Variants in RBFOX1 observed in about 807,000 individuals in gnomAD.
The protein encoded by RBFOX1 is RNA binding protein fox-1 homolog 1.
A neutral mutation model predicts 57.7 loss-of-function variants in RBFOX1; 8 were observed. The observed-to-expected ratio is 0.14, with a 90% confidence interval of 0.08 to 0.25. The LOEUF (loss-of-function observed/expected upper bound fraction) is 0.25. Ranked by LOEUF, RBFOX1 falls within the 10% of genes least tolerant of loss-of-function variation. The pLI is 1.00. For synonymous variants in RBFOX1, 326 were observed against 222.4 expected (o/e 1.47, Z -4.15); for missense variants, 611 against 548.5 (o/e 1.11, Z -1.14).
chr16:6,032,943 TCCA>T, intron 1 of RBFOX1, among the ~76,000 whole-genome samples: 1 of 151,192 alleles, frequency 6.6e-6, no homozygotes, highest in East Asian at 2.0e-4. Flanking sequence ...TAGCTTAGGA[TCCA>T]GCTTAGCTTC....
intron 4 of RBFOX1, among the ~76,000 whole-genome samples, chr16:7,432,305 C>G (rs1300620546): frequency 6.6e-6 from 1 of 152,284 alleles, no homozygotes; most frequent in East Asian, 1.9e-4. Context: ...TGGTAAAATT[C>G]TCTGCACAAA....
chr16:6,033,928 T>C (rs1350452987), intron 1 of RBFOX1, among the ~76,000 whole-genome samples: 1 of 152,158 alleles, frequency 6.6e-6, no homozygotes, highest in African/African-American at 2.4e-5. Flanking sequence ...ATGTGGTGAT[T>C]CTGGTCTGAC....
At chr16:6,625,234 A>G (rs980372226) in intron 2 of RBFOX1, among the ~76,000 whole-genome samples, 1 of 150,996 alleles carries the variant, frequency 6.6e-6, no homozygotes, top group Non-Finnish European at 1.5e-5. Flanking sequence ...AAACAATTTC[A>G]CAAACAATTA....
intron 3 of RBFOX1, among the ~76,000 whole-genome samples, chr16:6,711,999 T>A (rs1255850909): frequency 6.6e-6 from 1 of 152,232 alleles, no homozygotes; most frequent in Non-Finnish European, 1.5e-5. Context: ...TTAGTGATTT[T>A]GTTATCTCGC....
chr16:6,571,574 A>G (rs912479819), intron 2 of RBFOX1, among the ~76,000 whole-genome samples: 1 of 152,154 alleles, frequency 6.6e-6, no homozygotes. Context: ...GATGGAGAAC[A>G]TCAAGGACCT....
chr16:7,500,531 G>T (rs1567530591), intron 4 of RBFOX1, among the ~76,000 whole-genome samples: 2 of 152,174 alleles, frequency 1.3e-5, no homozygotes, highest in Admixed American at 1.3e-4. Flanking sequence ...TAAGCCTATT[G>T]TTGTAGCTAG....
chr16:7,710,392 G>A, intron 15 of RBFOX1: 1 of 1,380,382 alleles, frequency 7.2e-7, no homozygotes, highest in East Asian at 2.9e-5. Flanking sequence ...TTTTAGCTAA[G>A]AGGACTGGCT....
chr16:5,287,506 G>A (rs2063425656), intron 1 of RBFOX1, among the ~76,000 whole-genome samples: 2 of 152,212 alleles, frequency 1.3e-5, no homozygotes, highest in Admixed American at 1.3e-4. Context: ...TCCGTTAGTT[G>A]TTGTCAGAAA....
intron 4 of RBFOX1, among the ~76,000 whole-genome samples, chr16:7,441,122 C>A (rs1314402395): frequency 6.6e-6 from 1 of 152,174 alleles, no homozygotes; most frequent in Non-Finnish European, 1.5e-5. Context: ...GACCTGCCTT[C>A]CTCTATATGA....
At chr16:6,112,466 G>A (rs377732109) in intron 1 of RBFOX1, among the ~76,000 whole-genome samples, 92 of 152,218 alleles carry the variant, frequency 6.0e-4, no homozygotes, top group Non-Finnish European at 8.4e-4. Context: ...CAAGATGGGC[G>A]GATCACCTGA....
rs1567617665 is a variant in RBFOX1, at chr16:6,542,481, G to GTTTTTTTTT, written c.-63-112121_-63-112120insTTTTTTTTT. On this transcript the variant is annotated intron_variant, in intron 2 of 15. Coordinates refer to ENST00000550418, the MANE Select transcript of RBFOX1 (RefSeq NM_018723.4). ...ATCCACTGCCCTGTGTGGGACCATAGTCTTTTTTTTTTTTTTTTTTTTTTT... is the reference window on the plus strand; with the variant it reads ...ATCCACTGCCCTGTGTGGGACCATAGTTTTTTTTTTCTTTTTTTTTTTTTTTTTTTTTTT... 1.8e-3 allele frequency among the ~76,000 whole-genome samples: 67 copies of GTTTTTTTTT among 37,092 alleles called. 1 individual carries two copies. Among genetic ancestry groups the GTTTTTTTTT allele is most frequent in the Admixed American group, 5.2e-3 (13 of 2,482 alleles). 24.3% of individuals were successfully genotyped at this position (37,092 alleles called of 152,430 possible). A position where few individuals can be genotyped will look rare whatever the true frequency, so the allele number is the denominator to read the frequency against.
intron 2 of RBFOX1, among the ~76,000 whole-genome samples, chr16:6,438,149 C>G (rs781257904): frequency 6.6e-6 from 1 of 152,126 alleles, no homozygotes; most frequent in Non-Finnish European, 1.5e-5. Flanking sequence ...CTTTTGTAAA[C>G]CGAAGTTGGA....
rs569739054 is a variant in RBFOX1, at chr16:7,697,369, C to T, written c.996-11687C>T. Among the ~76,000 whole-genome samples, 328 of 152,270 alleles carry T rather than the reference C, an allele frequency of 2.2e-3. 3 individuals carry two copies. Among genetic ancestry groups the T allele is most frequent in the South Asian group, 7.1e-3 (34 of 4,822 alleles). ...GGGTCTATCAGTTAATTCCATGGAG[C>T]ACCAAGGCTTTAATCCCTGAGGAAA... On this transcript the variant is annotated intron_variant, in intron 14 of 15. Coordinates refer to ENST00000550418, the MANE Select transcript of RBFOX1 (RefSeq NM_018723.4).
At chr16:6,313,263 G>C (rs146471184) in intron 1 of RBFOX1, among the ~76,000 whole-genome samples, 1,767 of 152,254 alleles carry the variant, frequency 0.012, 17 homozygotes, top group Admixed American at 0.019. Flanking sequence ...TCAGGAGTAA[G>C]GTAGGTTTGG....
intron 1 of RBFOX1, among the ~76,000 whole-genome samples, chr16:5,404,856 C>G (rs2066818742): frequency 6.6e-6 from 1 of 152,164 alleles, no homozygotes; most frequent in Admixed American, 6.5e-5. Flanking sequence ...ATGAAACCAC[C>G]AAAGTCTTAA....
At chr16:6,147,303 C>T (rs138020077) in intron 1 of RBFOX1, among the ~76,000 whole-genome samples, 2 of 152,102 alleles carry the variant, frequency 1.3e-5, no homozygotes, top group African/African-American at 4.8e-5. Context: ...CCATTCTGTG[C>T]TCTCATAAGT....
intron 14 of RBFOX1, among the ~76,000 whole-genome samples, chr16:7,707,610 A>T (rs1217268592): frequency 2.0e-5 from 3 of 152,162 alleles, no homozygotes; most frequent in Non-Finnish European, 4.4e-5. Context: ...CTAACAGTAC[A>T]GCTGTTCCCT....
intron 10 of RBFOX1, among the ~76,000 whole-genome samples, chr16:7,618,437 GC>G (rs1568124297): frequency 6.6e-6 from 1 of 152,078 alleles, no homozygotes; most frequent in Non-Finnish European, 1.5e-5. Flanking sequence ...CTAATCTAGT[GC>G]CTAGGACAAA....
rs575083986 is a variant in RBFOX1, at chr16:6,738,211, C to G, written c.-16+83561C>G. ...CAATGGTTTGCATAACACTGTACAT[C>G]AAATAGTAATGGACAGCAATCCTTG... On this transcript the variant is annotated intron_variant, in intron 3 of 15. Transcript: ENST00000550418. Among the ~76,000 whole-genome samples, 20 of 152,136 alleles carry G rather than the reference C, an allele frequency of 1.3e-4. 1 individual carries two copies. Among genetic ancestry groups the G allele is most frequent in the Admixed American group, 1.2e-3 (18 of 15,280 alleles).
Sources: gnomAD v4.1 joint callset for allele counts (sites outside exome capture counted in the v4.1 genomes callset) on GRCh38, gnomAD v4.1.1 for gene constraint, MANE v1.5 for transcripts, NCBI Gene and HGNC (gene_info 2026-07-23, HGNC 2026-07-21) for gene names.